Variants in TAPBPL observed in about 807,000 individuals in gnomAD.
The protein encoded by TAPBPL is tapasin-related protein.
Under a neutral mutation model 44.8 loss-of-function variants are expected in TAPBPL, and 32 were observed. That is an observed-to-expected ratio of 0.71 (90% CI 0.54 to 0.96). The LOEUF (loss-of-function observed/expected upper bound fraction) is 0.96, where lower values mean the gene tolerates loss of function less well. TAPBPL is among the 40% of genes least tolerant of loss of function. TAPBPL has a pLI of 0.00. For synonymous variants in TAPBPL, 230 were observed against 240.7 expected (o/e 0.96, Z 0.41); for missense variants, 520 against 586.6 (o/e 0.89, Z 1.17).
chr12:6,457,621 G>C lies in TAPBPL; in HGVS notation c.781G>C (p.Gly261Arg), dbSNP rs1216252501. The C allele has an allele frequency of 1.2e-6, 2 of 1,614,034 alleles. No homozygotes were observed. Among genetic ancestry groups the C allele is most frequent in the East Asian group, 2.2e-5 (1 of 44,888 alleles). The change falls in exon 4 of 7, where the codon GGC (glycine) becomes CGC (arginine). Residue 261 changes from glycine (G) to arginine (R), a missense_variant. By Grantham distance (125) the Gly-to-Arg change is moderately radical (BLOSUM62 -2). Coordinates refer to ENST00000266556, the MANE Select transcript of TAPBPL (RefSeq NM_018009.5). ...KGATLEPAQL[G>R]MARDASLTLP... is the part of the protein sequence containing the mutation. ...CGCTACCCTGGAGCCTGCACAACTG[G>C]GCATGGCCAGGGATGCCTCCCTCAC...
chr12:6,458,024 A>C (rs1225617087), intron 4 of TAPBPL, among the ~76,000 whole-genome samples: 1 of 152,136 alleles, frequency 6.6e-6, no homozygotes, highest in Non-Finnish European at 1.5e-5. Context: ...CATCCTGAGG[A>C]GCAGCAGCAG....
In TAPBPL at chr12:6,452,662, G is replaced by A. The variant is rs1190343897; in HGVS notation, c.64+350G>A. ...AAGGTGACCTTGAAGGCGGGGGAGG[G>A]GAAGGCTACCCGAAATGGGAGAAAG... On this transcript the variant is annotated intron_variant, in intron 1 of 6. Coordinates refer to ENST00000266556, the MANE Select transcript of TAPBPL (RefSeq NM_018009.5). The A allele has an allele frequency of 3.2e-6, 4 of 1,242,368 alleles. No individual in the cohort carries two copies. The East Asian group carries it at 1.5e-4, about 48-fold the overall frequency. 77.0% of individuals were successfully genotyped at this position (1,242,368 alleles called of 1,614,324 possible). A position where few individuals can be genotyped will look rare whatever the true frequency, so the allele number is the denominator to read the frequency against.
chr12:6,464,333 A>G (rs1026816145), downstream of TAPBPL: 57 of 1,550,008 alleles, frequency 3.7e-5, no homozygotes, highest in Middle Eastern at 3.3e-4. Context: ...AACGCAACGA[A>G]AAAGGAGGAA....
At chr12:6,458,109 C>CG (rs1949748812) in intron 4 of TAPBPL, among the ~76,000 whole-genome samples, 1 of 152,146 alleles carries the variant, frequency 6.6e-6, no homozygotes, top group African/African-American at 2.4e-5. Context: ...GCTTAGAGGC[C>CG]GGGCGCGGTG....
chr12:6,464,664 C>T (rs1949958462), downstream of TAPBPL: 2 of 1,464,574 alleles, frequency 1.4e-6, no homozygotes, highest in Admixed American at 5.7e-5. Context: ...TTCCTCAGAA[C>T]AGGAGGCGCC....
downstream of TAPBPL, chr12:6,463,125 A>C: frequency 6.7e-7 from 1 of 1,491,700 alleles, no homozygotes. This position sits in a 1 kb window ranked among gnomAD's most constrained non-coding sequence, Gnocchi z 4.0. Flanking sequence ...AGCAGATCCC[A>C]TCCTCAGGTT....
At chr12:6,464,490 G>A, downstream of TAPBPL, 1 of 1,519,178 alleles carries the variant, frequency 6.6e-7, no homozygotes, top group South Asian at 1.3e-5. Flanking sequence ...AAGTAGACTG[G>A]ACACAGGAAT....
intron 3 of TAPBPL, among the ~76,000 whole-genome samples, chr12:6,454,528 T>C (rs1183484579): frequency 6.6e-6 from 1 of 152,128 alleles, no homozygotes; most frequent in Non-Finnish European, 1.5e-5. Context: ...AGCCCCTACC[T>C]GAACGTCCCC....
At position 6,452,291 on chromosome 12, in the gene TAPBPL, C is replaced by G. The variant is rs545828811; in HGVS notation, c.43C>G (p.Leu15Val). 1 of 1,575,428 alleles carries G rather than the reference C, an allele frequency of 6.3e-7. No individual in the cohort carries two copies. Among genetic ancestry groups the G allele is most frequent in the Non-Finnish European group, 8.6e-7 (1 of 1,161,142 alleles). ...EGWCLLLCLA[L>V]SGAAETKPHP... is the part of the protein sequence containing the mutation. Reference sequence around the variant, plus strand: ...CTGGTGCCTGCTGCTCTGCCTGGCTCTATCTGGAGCAGCAGAAACCAGTGA... The same window carrying G: ...CTGGTGCCTGCTGCTCTGCCTGGCTGTATCTGGAGCAGCAGAAACCAGTGA... Residue 15 changes from leucine to valine, a missense_variant, in exon 1 of 7, where the codon CTA becomes GTA. Physicochemically the swap from Leu to Val is conservative, Grantham distance 32. Coordinates refer to ENST00000266556, the MANE Select transcript of TAPBPL (RefSeq NM_018009.5).
chr12:6,468,412 G>T (rs1379703822), downstream of TAPBPL, among the ~76,000 whole-genome samples: 1 of 152,238 alleles, frequency 6.6e-6, no homozygotes, highest in Non-Finnish European at 1.5e-5. Context: ...AGTGAGTCAG[G>T]ACTGTTTGTT....
chr12:6,467,071 C>A, downstream of TAPBPL: 1 of 176,882 alleles, frequency 5.7e-6, no homozygotes, highest in South Asian at 1.3e-4. Flanking sequence ...CACCTGCCGC[C>A]ATGATTCTGA....
At chr12:6,464,107 T>C (rs1427864327), downstream of TAPBPL, 7 of 1,326,646 alleles carry the variant, frequency 5.3e-6, no homozygotes, top group Non-Finnish European at 6.9e-6. Context: ...GCACCGATAC[T>C]CTTCTCCTCC....
chr12:6,452,592 C>T, intron 1 of TAPBPL: 1 of 1,341,298 alleles, frequency 7.5e-7, no homozygotes. Flanking sequence ...TGGGAGCTGA[C>T]ACTTCAGAAG....
downstream of TAPBPL, among the ~76,000 whole-genome samples, chr12:6,469,960 C>G (rs1945728835): frequency 6.6e-6 from 1 of 152,206 alleles, no homozygotes; most frequent in Non-Finnish European, 1.5e-5. Context: ...CCCACTACCC[C>G]TTGAGTCTTT....
chr12:6,464,652 A>G (rs1949958225), downstream of TAPBPL: 3 of 1,459,138 alleles, frequency 2.1e-6, no homozygotes, highest in Non-Finnish European at 2.7e-6. Flanking sequence ...GCATAGCCCC[A>G]CTTCCTCAGA....
At chr12:6,469,195 C>T (rs952336433), downstream of TAPBPL, among the ~76,000 whole-genome samples, 1 of 152,176 alleles carries the variant, frequency 6.6e-6, no homozygotes, top group Non-Finnish European at 1.5e-5. Flanking sequence ...ATGGGAGCCA[C>T]AAGACTCTTG....
Position 6,457,638 on chromosome 12 carries a change from C to T in TAPBPL, c.798C>T (p.Ala266=). The T allele has an allele frequency of 6.2e-7, 1 of 1,614,182 alleles. No individual in the cohort carries two copies. The highest frequency in any genetic ancestry group is 8.5e-7 in the Non-Finnish European group (1 of 1,180,014). Residue 266 remains alanine, a synonymous_variant, in exon 4 of 7, where the codon GCC becomes GCT. Transcript: ENST00000266556. The part of the protein sequence containing the change: ...EPAQLGMARD[A]SLTLPGLTIQ... ...CACAACTGGGCATGGCCAGGGATGCCTCCCTCACCCTGCCCGGCCTCACTA... is the reference window on the plus strand; with the variant it reads ...CACAACTGGGCATGGCCAGGGATGCTTCCCTCACCCTGCCCGGCCTCACTA...
At chr12:6,463,847 T>C (rs1403126959), downstream of TAPBPL, 2 of 1,245,224 alleles carry the variant, frequency 1.6e-6, no homozygotes, top group Non-Finnish European at 2.1e-6. This position sits in a 1 kb window ranked among gnomAD's most constrained non-coding sequence, Gnocchi z 4.0. Flanking sequence ...CAAAGTAAAG[T>C]TGTAAGATCC....
chr12:6,464,749 C>T (rs772650835), downstream of TAPBPL: 294 of 1,526,274 alleles, frequency 1.9e-4, no homozygotes, highest in Non-Finnish European at 2.3e-4. Context: ...TCCCCCGTCC[C>T]GAACCAGGTG....
Sources: gnomAD v4.1 joint callset for allele counts (sites outside exome capture counted in the v4.1 genomes callset) on GRCh38, gnomAD v4.1.1 for gene constraint, Gnocchi (gnomAD v3.1) non-coding constraint, MANE v1.5 for transcripts, NCBI Gene and HGNC (gene_info 2026-07-23, HGNC 2026-07-21) for gene names.